CAMTA1: variants seen among roughly 807,000 people sequenced by gnomAD.
CAMTA1 encodes calmodulin binding transcription activator 1, also known as calmodulin-binding transcription activator 1.
Under a neutral mutation model 170.9 loss-of-function variants are expected in CAMTA1, and 27 were observed. That is an observed-to-expected ratio of 0.16 (90% CI 0.12 to 0.22). The LOEUF (loss-of-function observed/expected upper bound fraction) is 0.22, where lower values mean the gene tolerates loss of function less well. CAMTA1 is among the 10% of genes least tolerant of loss of function. CAMTA1 has a pLI of 1.00. For synonymous variants in CAMTA1, 833 were observed against 891.5 expected (o/e 0.93, Z 1.17); for missense variants, 1,619 against 2,217.2 (o/e 0.73, Z 5.42).
In CAMTA1 at chr1:7,293,848, C is replaced by T. The variant is rs763436418; in HGVS notation, c.438+44222C>T. On this transcript the variant is annotated intron_variant, in intron 5 of 22. Transcript: ENST00000303635. The surrounding 1 kb of genome is among the most constrained non-coding windows in gnomAD (Gnocchi z 4.1). ...TTTTCTCTGAAAACTCGGCATGCCCCGGGGGGCCTCTTTGGAGCCTGTTGG... is the reference window on the plus strand; with the variant it reads ...TTTTCTCTGAAAACTCGGCATGCCCTGGGGGGCCTCTTTGGAGCCTGTTGG... Among the ~76,000 whole-genome samples, 10 of 152,184 alleles carry T rather than the reference C, an allele frequency of 6.6e-5. No homozygotes were observed. The highest frequency in any genetic ancestry group is 9.7e-5 in the African/African-American group (4 of 41,440).
At chr1:7,763,255 T>A (rs1192605069) in intron 22 of CAMTA1, among the ~76,000 whole-genome samples, 5 of 152,036 alleles carry the variant, frequency 3.3e-5, no homozygotes, top group Non-Finnish European at 4.4e-5. Flanking sequence ...TTTTCCCCTT[T>A]TTTTTCTAAT....
intron 6 of CAMTA1, among the ~76,000 whole-genome samples, chr1:7,509,262 C>G (rs2094166468): frequency 6.6e-6 from 1 of 152,234 alleles, no homozygotes. Flanking sequence ...GCCTGGGCGC[C>G]TTTTCTCTCT....
chr1:7,637,130 T>G (rs1558036480), intron 6 of CAMTA1, among the ~76,000 whole-genome samples: 1 of 152,222 alleles, frequency 6.6e-6, no homozygotes, highest in Non-Finnish European at 1.5e-5. Context: ...CTCCACGGTT[T>G]GGGTTCATGG....
At chr1:7,046,019 GA>G (rs558329690) in intron 3 of CAMTA1, among the ~76,000 whole-genome samples, 3 of 147,716 alleles carry the variant, frequency 2.0e-5, no homozygotes, top group African/African-American at 7.9e-5. Flanking sequence ...CAGCTCTTCT[GA>G]AAGGGCCTGG....
chr1:7,635,177 A>G lies in CAMTA1; in HGVS notation c.511-5223A>G, dbSNP rs1441455101. Among the ~76,000 whole-genome samples the G allele has an allele frequency of 1.3e-5, 2 of 152,150 alleles. No individual in the cohort carries two copies. Among genetic ancestry groups the G allele is most frequent in the East Asian group, 1.9e-4 (1 of 5,168 alleles). ...CCCTAGCATCTCTCATGAAAACTCC[A>G]TAGCCCAGGGAGGGGCTTCTGCACA... On this transcript the variant is annotated intron_variant, in intron 6 of 22. Coordinates refer to ENST00000303635, the MANE Select transcript of CAMTA1 (RefSeq NM_015215.4). The surrounding 1 kb of genome is among the most constrained non-coding windows in gnomAD (Gnocchi z 4.4).
intron 22 of CAMTA1, among the ~76,000 whole-genome samples, chr1:7,758,942 A>G (rs1471728723): frequency 6.6e-6 from 1 of 151,408 alleles, no homozygotes; most frequent in Non-Finnish European, 1.5e-5. Flanking sequence ...CTCAAAAAAA[A>G]AAAAAAAAAA....
At chr1:7,703,153 T>A (rs2096460622) in intron 11 of CAMTA1, among the ~76,000 whole-genome samples, 1 of 152,218 alleles carries the variant, frequency 6.6e-6, no homozygotes, top group African/African-American at 2.4e-5. Flanking sequence ...GGAGGTTTGG[T>A]TCTGCTGAGA....
intron 4 of CAMTA1, among the ~76,000 whole-genome samples, chr1:7,095,614 C>T (rs764651035): frequency 1.2e-4 from 19 of 152,254 alleles, no homozygotes; most frequent in Non-Finnish European, 2.4e-4. Context: ...CCGTCAATAG[C>T]TCCTCTATTC....
intron 6 of CAMTA1, among the ~76,000 whole-genome samples, chr1:7,607,463 G>C (rs921386703): frequency 6.7e-6 from 1 of 150,134 alleles, no homozygotes; most frequent in African/African-American, 2.5e-5. Context: ...GGATGGATGG[G>C]TGGATGGATG....
intron 6 of CAMTA1, among the ~76,000 whole-genome samples, chr1:7,518,117 C>T (rs1386518392): frequency 6.6e-6 from 1 of 151,964 alleles, no homozygotes; most frequent in Non-Finnish European, 1.5e-5. Context: ...GGACCGTGAT[C>T]CCAGAGTCAG....
chr1:7,673,491 G>A lies in CAMTA1; in HGVS notation c.2779+2454G>A, dbSNP rs575404206. On this transcript the variant is annotated intron_variant, in intron 10 of 22. Coordinates refer to ENST00000303635, the MANE Select transcript of CAMTA1 (RefSeq NM_015215.4). The surrounding 1 kb of genome is among the most constrained non-coding windows in gnomAD (Gnocchi z 4.6). Reference sequence around the variant, plus strand: ...TCGGAGAGGGTACCAGGGCAGTTTGGGTCTCAACAGGCAGTTCTCCTGGTC... The same window carrying A: ...TCGGAGAGGGTACCAGGGCAGTTTGAGTCTCAACAGGCAGTTCTCCTGGTC... Among the ~76,000 whole-genome samples, 1 of 152,374 alleles carries A rather than the reference G, an allele frequency of 6.6e-6. No homozygotes were observed. The highest frequency in any genetic ancestry group is 1.9e-4 in the East Asian group (1 of 5,182).
chr1:7,239,951 A>G (rs2149253756), intron 4 of CAMTA1, among the ~76,000 whole-genome samples: 1 of 151,878 alleles, frequency 6.6e-6, no homozygotes, highest in East Asian at 1.9e-4. Context: ...TAACTAACTC[A>G]CTCCCAAGGT....
intron 5 of CAMTA1, among the ~76,000 whole-genome samples, chr1:7,330,432 T>G (rs1026168431): frequency 6.6e-6 from 1 of 152,106 alleles, no homozygotes; most frequent in African/African-American, 2.4e-5. Context: ...CCTAGCATCC[T>G]CCTCCTTGGC....
At chr1:7,403,472 T>C (rs1360664297) in intron 5 of CAMTA1, among the ~76,000 whole-genome samples, 2 of 152,112 alleles carry the variant, frequency 1.3e-5, no homozygotes, top group Admixed American at 6.5e-5. Flanking sequence ...TTTAAGTGTA[T>C]GTAGCGAGAT....
intron 6 of CAMTA1, among the ~76,000 whole-genome samples, chr1:7,539,928 G>A (rs967496769): frequency 6.6e-6 from 1 of 152,218 alleles, no homozygotes; most frequent in Non-Finnish European, 1.5e-5. Context: ...CTGCTGGGCT[G>A]TCCCTTACTT....
At chr1:7,548,407 G>T (rs1182759454) in intron 6 of CAMTA1, among the ~76,000 whole-genome samples, 2 of 151,922 alleles carry the variant, frequency 1.3e-5, no homozygotes, top group African/African-American at 2.4e-5. Flanking sequence ...CTTAAGGGTG[G>T]AGGTGCCCGT....
chr1:6,973,410 C>T (rs1008834102), intron 3 of CAMTA1, among the ~76,000 whole-genome samples: 3 of 152,194 alleles, frequency 2.0e-5, no homozygotes, highest in African/African-American at 7.2e-5. Flanking sequence ...TTTCACATAG[C>T]ATAGTGTCCT....
At chr1:7,408,752 G>T (rs2090485381) in intron 5 of CAMTA1, among the ~76,000 whole-genome samples, 1 of 152,238 alleles carries the variant, frequency 6.6e-6, no homozygotes, top group Non-Finnish European at 1.5e-5. Context: ...TGCTGGGCAA[G>T]CATCAGAGCC....
intron 5 of CAMTA1, among the ~76,000 whole-genome samples, chr1:7,401,621 G>C (rs2089911890): frequency 6.6e-6 from 1 of 151,998 alleles, no homozygotes; most frequent in Admixed American, 6.6e-5. Context: ...ACATCAACAT[G>C]GTATGTTTCT....
Sources: allele counts gnomAD v4.1 joint callset (sites outside exome capture counted in the v4.1 genomes callset), GRCh38; gene constraint gnomAD v4.1.1; non-coding constraint Gnocchi (gnomAD v3.1); transcripts MANE v1.5; gene names NCBI Gene and HGNC (gene_info 2026-07-23, HGNC 2026-07-21).